The following ZFHX4 variants were observed in gnomAD, a reference collection of about 807,000 sequenced individuals.
ZFHX4 encodes zinc finger homeobox protein 4.
In ZFHX4, 56 loss-of-function variants were observed where a neutral mutation model predicts 267.6. The observed-to-expected ratio is 0.21, with a 90% CI of 0.17 to 0.26. The LOEUF is 0.26. ZFHX4 is among the 10% of genes least tolerant of loss of function. The pLI is 1.00. For missense variants in ZFHX4, 4,332 were observed against 4,420.0 expected (o/e 0.98, Z 0.56); for synonymous variants, 1,778 against 1,665.6 (o/e 1.07, Z -1.64).
intron 3 of ZFHX4, among the ~76,000 whole-genome samples, chr8:76,764,729 G>A (rs969145421): frequency 6.6e-6 from 1 of 152,022 alleles, no homozygotes; most frequent in Non-Finnish European, 1.5e-5. Context: ...AATTTGCTCC[G>A]ACCTCTGACT....
chr8:76,765,539 G>A (rs1432209270), intron 3 of ZFHX4, among the ~76,000 whole-genome samples: 1 of 151,984 alleles, frequency 6.6e-6, no homozygotes, highest in Non-Finnish European at 1.5e-5. Context: ...AATGGCCTTA[G>A]GATATAATCC....
chr8:76,842,847 C>A, intron 6 of ZFHX4, 76 bp downstream of exon 6: 2 of 1,014,974 alleles, frequency 2.0e-6, no homozygotes, highest in Non-Finnish European at 2.9e-6. Context: ...TCACCATCCC[C>A]CCACCCCACA....
chr8:76,844,444 A>ATGGATTC (rs1285492218), intron 6 of ZFHX4, among the ~76,000 whole-genome samples: 1 of 152,126 alleles, frequency 6.6e-6, no homozygotes, highest in African/African-American at 2.4e-5. Context: ...CTTGTAAAGG[A>ATGGATTC]TGGATTCTGG....
chr8:76,753,622 C>T (rs1809681787), intron 3 of ZFHX4, among the ~76,000 whole-genome samples: 1 of 138,826 alleles, frequency 7.2e-6, no homozygotes. Flanking sequence ...CTTCATTCGT[C>T]TTAGGCCTTT....
Position 76,704,203 on chromosome 8 carries a change from G to A in ZFHX4, c.115G>A (p.Glu39Lys). The A allele has an allele frequency of 6.2e-7, 1 of 1,613,972 alleles. No individual in the cohort carries two copies. Among genetic ancestry groups the A allele is most frequent in the Non-Finnish European group, 8.5e-7 (1 of 1,179,884 alleles). Residue 39 changes from glutamate to lysine, a missense_variant, in exon 2 of 11, where the codon GAG becomes AAG. Around this residue, in one of 7 missense-constraint regions of ZFHX4, gnomAD observed 1,195 missense variants for 1,173.6 expected, o/e 1.02. Coordinates refer to ENST00000651372, the MANE Select transcript of ZFHX4 (RefSeq NM_024721.5). The part of the protein sequence containing the change: ...NEVPEKVAGM[E>K]PDRENSSTDD... The stretch of plus-strand genomic sequence containing the variant: ...GGTGCCAGAGAAAGTTGCAGGGATG[G>A]AGCCTGACAGGGAAAACAGCTCCAC...
At chr8:76,762,684 T>C (rs1311072233) in intron 3 of ZFHX4, among the ~76,000 whole-genome samples, 1 of 152,212 alleles carries the variant, frequency 6.6e-6, no homozygotes. Context: ...TTACAACTCC[T>C]GAGTTCATCT....
chr8:76,845,627 T>A (rs1342910719), intron 6 of ZFHX4, among the ~76,000 whole-genome samples: 3 of 152,052 alleles, frequency 2.0e-5, no homozygotes, highest in Non-Finnish European at 4.4e-5. Flanking sequence ...TACTTTTATT[T>A]TTTTATTAAG....
In ZFHX4 at chr8:76,750,861, A is replaced by C. The variant is rs186463600; in HGVS notation, c.3094-27347A>C. Among the ~76,000 whole-genome samples, 257 of 152,294 alleles carry C rather than the reference A, an allele frequency of 1.7e-3. 1 individual carries two copies. Among genetic ancestry groups the C allele is most frequent in the Non-Finnish European group, 1.8e-3 (123 of 68,000 alleles). On this transcript the variant is annotated intron_variant, in intron 3 of 10. Coordinates refer to ENST00000651372, the MANE Select transcript of ZFHX4 (RefSeq NM_024721.5). ...AAACAATTCTAAACTTCATTTTGAA[A>C]TTAAAAGATAAGCACCACAAAATAA...
chr8:76,854,725 C>A lies in ZFHX4; in HGVS notation c.7804C>A (p.Gln2602Lys). The A allele has an allele frequency of 1.2e-6, 2 of 1,612,810 alleles. No individual in the cohort carries two copies. The highest frequency in any genetic ancestry group is 1.1e-5 in the South Asian group (1 of 90,950). ...EKEGGNSGED[Q>K]HRDKRLRTTI... ...AGAAGGAGGGAATAGCGGTGAAGAC[C>A]AACACCGAGATAAACGCTTGAGAAC... The change falls in exon 10 of 11, where the codon CAA (glutamine) becomes AAA (lysine). Residue 2602 changes from glutamine (Q) to lysine (K), a missense_variant. Transcript: ENST00000651372.
chr8:76,715,398 C>A (rs1012342193), intron 3 of ZFHX4, among the ~76,000 whole-genome samples: 3 of 141,534 alleles, frequency 2.1e-5, no homozygotes, highest in Middle Eastern at 3.7e-3. Context: ...AGGAGAATTT[C>A]TTGAACCCAG....
At chr8:76,836,257 T>C (rs1812090669) in intron 5 of ZFHX4, among the ~76,000 whole-genome samples, 1 of 152,138 alleles carries the variant, frequency 6.6e-6, no homozygotes, top group Non-Finnish European at 1.5e-5. Flanking sequence ...GTTCTCAAAG[T>C]GTGGTCCCCT....
intron 1 of ZFHX4, among the ~76,000 whole-genome samples, chr8:76,686,413 A>G (rs972577992): frequency 6.6e-6 from 1 of 152,302 alleles, no homozygotes; most frequent in African/African-American, 2.4e-5. Flanking sequence ...CTTAATTTGC[A>G]GAACTACTTT....
intron 4 of ZFHX4, among the ~76,000 whole-genome samples, chr8:76,801,861 C>T (rs956267191): frequency 6.6e-6 from 1 of 152,132 alleles, no homozygotes; most frequent in Non-Finnish European, 1.5e-5. Context: ...TGAAAAACAA[C>T]TCCAAACCTA....
chr8:76,832,004 G>GC (rs1042780396), intron 4 of ZFHX4, among the ~76,000 whole-genome samples: 1 of 145,870 alleles, frequency 6.9e-6, no homozygotes, highest in East Asian at 2.1e-4. Flanking sequence ...TTTTTTAGTG[G>GC]GGGGGGGCAC....
chr8:76,790,284 G>A (rs912895746), intron 4 of ZFHX4, among the ~76,000 whole-genome samples: 1 of 152,062 alleles, frequency 6.6e-6, no homozygotes, highest in Non-Finnish European at 1.5e-5. Context: ...GCCAAATTGA[G>A]GGGGAAATTA....
At position 76,851,592 on chromosome 8, in the gene ZFHX4, G is replaced by A. The variant is rs1306030916; in HGVS notation, c.4671G>A (p.Leu1557=). The change falls in exon 10 of 11, where the codon TTG becomes TTA. Residue 1557 remains leucine (L), a synonymous_variant. Coordinates refer to ENST00000651372, the MANE Select transcript of ZFHX4 (RefSeq NM_024721.5). ...KESFTQKNIL[L]VHYNSVSHLH... is the part of the protein sequence containing the mutation. Reference sequence around the variant, plus strand: ...CATTCACCCAAAAGAACATTCTCTTGGTCCACTATAATTCAGTTTCTCACT... The same window carrying A: ...CATTCACCCAAAAGAACATTCTCTTAGTCCACTATAATTCAGTTTCTCACT... 1.2e-6 allele frequency: 2 copies of A among 1,613,718 alleles called. No individual in the cohort carries two copies. The highest frequency in any genetic ancestry group is 2.2e-5 in the South Asian group (2 of 91,072).
At chr8:76,836,379 G>A (rs181270993) in intron 5 of ZFHX4, among the ~76,000 whole-genome samples, 14 of 152,214 alleles carry the variant, frequency 9.2e-5, no homozygotes, top group African/African-American at 3.1e-4. Context: ...AGCCCCTCAG[G>A]TGGTAGTGAT....
At position 76,854,815 on chromosome 8, in the gene ZFHX4, A is replaced by G; in HGVS notation, c.7894A>G (p.Arg2632Gly). ...ATACTTGCTGGATTCCAATCCTACCAGAAAAATGCTTGATCATATTGCCCG... is the reference window on the plus strand; with the variant it reads ...ATACTTGCTGGATTCCAATCCTACCGGAAAAATGCTTGATCATATTGCCCG... ...EKYLLDSNPTRKMLDHIAREV... is the reference protein window; with the variant it reads ...EKYLLDSNPTGKMLDHIAREV... Residue 2632 changes from arginine (R) to glycine (G), a missense_variant, in exon 10 of 11, where the codon AGA becomes GGA. Around this residue, in one of 7 missense-constraint regions of ZFHX4, gnomAD observed 1,648 missense variants for 1,625.0 expected, o/e 1.01. Coordinates refer to ENST00000651372, the MANE Select transcript of ZFHX4 (RefSeq NM_024721.5). 1 of 1,611,376 alleles carries G rather than the reference A, an allele frequency of 6.2e-7. No homozygotes were observed. Among genetic ancestry groups the G allele is most frequent in the Non-Finnish European group, 8.5e-7 (1 of 1,179,046 alleles).
At chr8:76,729,821 G>C (rs1808951112) in intron 3 of ZFHX4, among the ~76,000 whole-genome samples, 1 of 152,158 alleles carries the variant, frequency 6.6e-6, no homozygotes, top group African/African-American at 2.4e-5. Context: ...AATGCTTGCA[G>C]CCAGCCTGTA....
Sources: gnomAD v4.1 joint callset for allele counts (sites outside exome capture counted in the v4.1 genomes callset) on GRCh38, gnomAD v4.1.1 for gene constraint, gnomAD v4.1.1 regional missense constraint, MANE v1.5 for transcripts, NCBI Gene and HGNC (gene_info 2026-07-23, HGNC 2026-07-21) for gene names.